The following PGR variants were observed in gnomAD, a reference collection of about 807,000 sequenced individuals.
The protein encoded by PGR is nuclear receptor subfamily 3 group C member 3.
PGR carries 25 observed loss-of-function variants against 76.1 expected under a neutral mutation model. The ratio of observed to expected loss-of-function variants is 0.33; its 90% CI spans 0.24 to 0.46. The LOEUF is 0.46. Among genes scored for constraint, PGR ranks in the 20% least tolerant of loss-of-function variants. The probability of loss-of-function intolerance (pLI) is 1.00; values close to 1 mark genes in which losing one functional copy is unlikely to be tolerated. For synonymous variants in PGR, 579 were observed against 535.0 expected (o/e 1.08, Z -1.14); for missense variants, 1,172 against 1,225.3 (o/e 0.96, Z 0.65).
chr11:101,095,419 A>G (rs1353120594), intron 2 of PGR, among the ~76,000 whole-genome samples: 1 of 152,240 alleles, frequency 6.6e-6, no homozygotes, highest in Non-Finnish European at 1.5e-5. Context: ...GACAATTATT[A>G]AGCACTTACT....
chr11:101,041,691 A>G, intron 7 of PGR: 2 of 438,670 alleles, frequency 4.6e-6, no homozygotes, highest in Non-Finnish European at 8.2e-6. Context: ...TATTCAGGAA[A>G]TGTACCATAA....
chr11:101,121,659 C>A (rs1407843337), intron 2 of PGR, among the ~76,000 whole-genome samples: 1 of 152,182 alleles, frequency 6.6e-6, no homozygotes, highest in African/African-American at 2.4e-5. Flanking sequence ...GAATCACTTA[C>A]CACATGTGCA....
At chr11:101,119,799 T>C (rs1305150175) in intron 2 of PGR, among the ~76,000 whole-genome samples, 1 of 152,142 alleles carries the variant, frequency 6.6e-6, no homozygotes, top group South Asian at 2.1e-4. Context: ...TCTGAAAAAG[T>C]ATAAAGTAAT....
chr11:101,100,634 C>CAA (rs1555060294), intron 2 of PGR, among the ~76,000 whole-genome samples: 5 of 149,748 alleles, frequency 3.3e-5, no homozygotes, highest in African/African-American at 9.9e-5. Flanking sequence ...CACACACACA[C>CAA]AATACATACA....
chr11:101,078,929 C>A (rs961215732), intron 3 of PGR, among the ~76,000 whole-genome samples: 3 of 152,012 alleles, frequency 2.0e-5, no homozygotes, highest in African/African-American at 7.3e-5. Flanking sequence ...GGTATAAAAA[C>A]AGACACAAAG....
chr11:101,122,294 A>G (rs1324515614), intron 2 of PGR, among the ~76,000 whole-genome samples: 1 of 152,236 alleles, frequency 6.6e-6, no homozygotes, highest in Non-Finnish European at 1.5e-5. Flanking sequence ...ATGTATTCAC[A>G]ACAAATGCTG....
chr11:101,123,463 T>C lies in PGR; in HGVS notation c.1789+2544A>G, dbSNP rs568643376. Among the ~76,000 whole-genome samples the C allele has an allele frequency of 3.2e-4, 48 of 152,280 alleles. 2 individuals are homozygous for C. In the South Asian group the frequency reaches 9.8e-3, roughly 31 times the overall value. On this transcript the variant is annotated intron_variant, in intron 2 of 7. Coordinates refer to ENST00000325455, the MANE Select transcript of PGR (RefSeq NM_000926.4). ...CTCATTCCTGAAAACTCCTAGAACA[T>C]TCTCTATATTCTCTTGCCTTAAATT...
intron 3 of PGR, among the ~76,000 whole-genome samples, chr11:101,090,346 T>C (rs767233447): frequency 2.0e-5 from 3 of 152,200 alleles, no homozygotes; most frequent in Non-Finnish European, 2.9e-5. Context: ...TTTAAAGTCA[T>C]TGGGAAAACA....
At chr11:101,047,897 T>C (rs544001981) in intron 6 of PGR, among the ~76,000 whole-genome samples, 14 of 152,284 alleles carry the variant, frequency 9.2e-5, no homozygotes, top group South Asian at 8.3e-4. Context: ...TTGCCTGTCC[T>C]TCTGGTGATC....
intron 5 of PGR, chr11:101,050,816 T>A (rs1860058886): frequency 6.2e-6 from 1 of 160,630 alleles, no homozygotes; most frequent in African/African-American, 2.4e-5. Context: ...TGCTGATTCC[T>A]TACTTATCTC....
At chr11:101,060,699 C>T (rs1218708691) in intron 4 of PGR, among the ~76,000 whole-genome samples, 12 of 152,118 alleles carry the variant, frequency 7.9e-5, no homozygotes. Flanking sequence ...GTCCACAGGC[C>T]ACAAGAGACT....
chr11:101,043,532 G>A (rs941157457), intron 6 of PGR, among the ~76,000 whole-genome samples: 2 of 152,078 alleles, frequency 1.3e-5, no homozygotes, highest in Non-Finnish European at 2.9e-5. Context: ...TGTTCTTAAT[G>A]GCATCTAGAA....
In PGR at chr11:101,038,853, GTTTAC is replaced by G. The variant is rs951328626; in HGVS notation, c.*258_*262del. ...GGTATGAAATAATATGGATAAGATA[GTTTAC>G]TTTAACAATTTTAGTACTTTTTCAA... On this transcript the variant is annotated 3_prime_UTR_variant, in exon 8 of 8. Transcript: ENST00000325455. 1.2e-4 allele frequency: 45 copies of G among 381,064 alleles called. No homozygotes were observed. The highest frequency in any genetic ancestry group is 1.8e-4 in the Admixed American group (4 of 22,788). 23.6% of individuals were successfully genotyped at this position (381,064 alleles called of 1,614,324 possible). A position where few individuals can be genotyped will look rare whatever the true frequency, so the allele number is the denominator to read the frequency against.
rs770343099 is a variant in PGR at position 101,039,140 on chromosome 11, T to C, written c.2778A>G (p.Lys926=). The change falls in exon 8 of 8, where the codon AAA becomes AAG. Residue 926 remains lysine, a synonymous_variant. Transcript: ENST00000325455. ...QLPKILAGMV[K]PLLFHKK ...TTCACTTTTTATGAAAGAGAAGGGG[T>C]TTCACCATCCCTGCCAATATCTTGG... 1 of 1,611,342 alleles carries C rather than the reference T, an allele frequency of 6.2e-7. No homozygotes were observed. The highest frequency in any genetic ancestry group is 8.5e-7 in the Non-Finnish European group (1 of 1,178,226).
chr11:101,084,257 T>G (rs1291361581), intron 3 of PGR, among the ~76,000 whole-genome samples: 1 of 152,198 alleles, frequency 6.6e-6, no homozygotes, highest in African/African-American at 2.4e-5. Flanking sequence ...CCTGTTAAGC[T>G]TGTAGAACTA....
At chr11:101,071,548 C>T (rs912218992) in intron 3 of PGR, among the ~76,000 whole-genome samples, 1 of 151,846 alleles carries the variant, frequency 6.6e-6, no homozygotes, top group South Asian at 2.1e-4. Context: ...GGAGCATGTT[C>T]TAACCCAATG....
chr11:101,080,421 AC>A (rs1231557797), intron 3 of PGR, among the ~76,000 whole-genome samples: 1 of 151,810 alleles, frequency 6.6e-6, no homozygotes, highest in African/African-American at 2.4e-5. Flanking sequence ...TAAAAGGGAA[AC>A]AAAAAAAATT....
In PGR at chr11:101,032,545, C is replaced by A. The variant is rs1400786029; in HGVS notation, c.*6571G>T. On this transcript the variant is annotated 3_prime_UTR_variant, in exon 8 of 8. Transcript: ENST00000325455. Reference sequence around the variant, plus strand: ...GTTTGTGCAAATGTTGTTTGGGATACTCTTCTCTCTTTGGAATCCCTCCTG... The same window carrying A: ...GTTTGTGCAAATGTTGTTTGGGATAATCTTCTCTCTTTGGAATCCCTCCTG... The A allele has an allele frequency of 2.2e-5, 5 of 231,876 alleles. No homozygotes were observed. Among genetic ancestry groups the A allele is most frequent in the African/African-American group, 1.1e-4 (5 of 45,268 alleles). 14.4% of individuals were successfully genotyped at this position (231,876 alleles called of 1,614,324 possible).
intron 4 of PGR, among the ~76,000 whole-genome samples, chr11:101,052,898 T>A (rs939474037): frequency 1.4e-4 from 22 of 152,064 alleles, no homozygotes; most frequent in Admixed American, 9.8e-4. Context: ...TGAGATAAAA[T>A]AAAGGAGAAG....
Sources: allele counts gnomAD v4.1 joint callset (sites outside exome capture counted in the v4.1 genomes callset), GRCh38; gene constraint gnomAD v4.1.1; transcripts MANE v1.5; gene names NCBI Gene and HGNC (gene_info 2026-07-23, HGNC 2026-07-21).